The following TMCC3 variants were observed in gnomAD, a reference collection of about 807,000 sequenced individuals.
TMCC3 encodes transmembrane and coiled-coil domain protein 3.
A neutral mutation model predicts 40.2 loss-of-function variants in TMCC3; 28 were observed. The observed-to-expected ratio is 0.70, with a 90% CI of 0.52 to 0.95. The LOEUF is 0.95. TMCC3 is among the 40% of genes least tolerant of loss of function. The pLI, the probability that TMCC3 is intolerant of heterozygous loss-of-function variation, is 0.00. For synonymous variants in TMCC3, 255 were observed against 248.5 expected (o/e 1.03, Z -0.25); for missense variants, 554 against 615.2 (o/e 0.90, Z 1.05).
chr12:94,601,808 CAAAAAAAAAAAAAAAAA>C (rs61372290), intron 1 of TMCC3, among the ~76,000 whole-genome samples: 5 of 76,732 alleles, frequency 6.5e-5, no homozygotes, highest in Admixed American at 3.2e-4. Flanking sequence ...GACCTGGTCT[CAAAAAAAAAAAAAAAAA>C]AAAAAAAAAA....
intron 1 of TMCC3, among the ~76,000 whole-genome samples, chr12:94,625,280 G>A (rs190982548): frequency 8.6e-5 from 13 of 151,602 alleles, no homozygotes; most frequent in Admixed American, 1.3e-4. Context: ...CAGGTCAAAC[G>A]ATAACACTGA....
intron 1 of TMCC3, among the ~76,000 whole-genome samples, chr12:94,589,891 G>A (rs1344859746): frequency 6.6e-6 from 1 of 152,154 alleles, no homozygotes; most frequent in East Asian, 1.9e-4. Context: ...GCAAGACTTA[G>A]CAAGATCTGT....
At chr12:94,634,583 C>T (rs995930221) in intron 1 of TMCC3, among the ~76,000 whole-genome samples, 1 of 152,114 alleles carries the variant, frequency 6.6e-6, no homozygotes, top group African/African-American at 2.4e-5. Context: ...TTTAAACAGC[C>T]AGAGTGCGAG....
chr12:94,600,239 G>GT (rs2068744515), intron 1 of TMCC3, among the ~76,000 whole-genome samples: 1 of 133,664 alleles, frequency 7.5e-6, no homozygotes, highest in Non-Finnish European at 1.6e-5. Flanking sequence ...ACCAAATTCT[G>GT]GTTTTTTTTT....
intron 1 of TMCC3, among the ~76,000 whole-genome samples, chr12:94,587,866 C>G (rs1432423936): frequency 6.6e-6 from 1 of 152,186 alleles, no homozygotes; most frequent in Non-Finnish European, 1.5e-5. Flanking sequence ...AAAGACTTTG[C>G]TTTTAAGAAT....
intron 1 of TMCC3, among the ~76,000 whole-genome samples, chr12:94,647,855 T>C (rs925894050): frequency 6.6e-6 from 1 of 152,250 alleles, no homozygotes. Flanking sequence ...CAGGACAGAC[T>C]TGAAATTACA....
chr12:94,628,436 T>C (rs964564959), intron 1 of TMCC3, among the ~76,000 whole-genome samples: 1 of 152,176 alleles, frequency 6.6e-6, no homozygotes, highest in Non-Finnish European at 1.5e-5. Context: ...ATACTCCCCA[T>C]CTATGAAACC....
At chr12:94,590,911 G>C (rs757537570) in intron 1 of TMCC3, 4 of 584,666 alleles carry the variant, frequency 6.8e-6, no homozygotes, top group Non-Finnish European at 1.4e-5. Context: ...GTGAGTTTAT[G>C]TGAAAATGAG....
At chr12:94,590,149 T>G (rs1420985211) in intron 1 of TMCC3, among the ~76,000 whole-genome samples, 1 of 149,684 alleles carries the variant, frequency 6.7e-6, no homozygotes, top group African/African-American at 2.5e-5. Flanking sequence ...TCGCCCAGGC[T>G]GGAGTGCAGT....
chr12:94,578,645 T>A, intron 2 of TMCC3, 116 bp from the exon 3 acceptor site: 1 of 1,168,342 alleles, frequency 8.6e-7, no homozygotes, highest in Non-Finnish European at 1.2e-6. Context: ...CCTGATGGGC[T>A]GTTTTTCTAA....
chr12:94,622,174 AGTAC>A (rs2068879173), intron 1 of TMCC3, among the ~76,000 whole-genome samples: 1 of 152,158 alleles, frequency 6.6e-6, no homozygotes, highest in Non-Finnish European at 1.5e-5. Flanking sequence ...GGGAGAGAGG[AGTAC>A]TCCACACCCA....
chr12:94,639,983 A>G (rs950695314), intron 1 of TMCC3, among the ~76,000 whole-genome samples: 2 of 152,176 alleles, frequency 1.3e-5, no homozygotes, highest in African/African-American at 4.8e-5. Flanking sequence ...ACGAAAGGAG[A>G]TGATACATTA....
Position 94,581,669 on chromosome 12 carries a change from C to A in TMCC3, c.948G>T (p.Lys316Asn). The A allele has an allele frequency of 6.2e-7, 1 of 1,613,494 alleles. No individual in the cohort carries two copies. Among genetic ancestry groups the A allele is most frequent in the Non-Finnish European group, 8.5e-7 (1 of 1,179,478 alleles). Residue 316 changes from lysine to asparagine, a missense_variant, in exon 2 of 4, where the codon AAG becomes AAT. Lys to Asn is a moderately conservative substitution (Grantham distance 94). Coordinates refer to ENST00000261226, the MANE Select transcript of TMCC3 (RefSeq NM_020698.4). ...EDIEALKVQF[K>N]REYGFISQTL... ...TCTGAGAAATAAAACCATATTCTCT[C>A]TTAAACTGCACCTTCAGTGCCTCGA...
chr12:94,641,478 G>A (rs1459081276), intron 1 of TMCC3, among the ~76,000 whole-genome samples: 8 of 152,114 alleles, frequency 5.3e-5, no homozygotes, highest in Non-Finnish European at 8.8e-5. Context: ...GAAGTCACAC[G>A]GGCTTTTTCT....
At position 94,582,046 on chromosome 12, in the gene TMCC3, C is replaced by A. The variant is rs764404181; in HGVS notation, c.571G>T (p.Val191Phe). 7 of 1,613,958 alleles carry A rather than the reference C, an allele frequency of 4.3e-6. No homozygotes were observed. The Admixed American group carries it at 6.7e-5, about 15-fold the overall frequency. ...ACGAACACAGGTGGAGTAAGTGAGA[C>A]CCCTGGCATGCCCGATTTGCTGCTC... ...MESSKSGMPG[V>F]SLTPPVFVFN... Residue 191 changes from valine to phenylalanine, a missense_variant, in exon 2 of 4, where the codon GTC (valine) becomes TTC (phenylalanine). Physicochemically the swap from Val to Phe is conservative, Grantham distance 50. Transcript: ENST00000261226.
At chr12:94,642,621 T>C (rs756023919) in intron 1 of TMCC3, among the ~76,000 whole-genome samples, 2 of 152,254 alleles carry the variant, frequency 1.3e-5, no homozygotes, top group Non-Finnish European at 2.9e-5. Flanking sequence ...CTTGAAAAGA[T>C]CTGGTCTCTG....
intron 1 of TMCC3, among the ~76,000 whole-genome samples, chr12:94,582,874 T>C (rs960484717): frequency 6.6e-6 from 1 of 151,606 alleles, no homozygotes; most frequent in African/African-American, 2.4e-5. Flanking sequence ...CCCAGGTAAC[T>C]GGAATGCCTG....
intron 1 of TMCC3, among the ~76,000 whole-genome samples, chr12:94,630,708 T>C (rs1202144321): frequency 1.7e-4 from 26 of 149,192 alleles, no homozygotes; most frequent in Admixed American, 1.7e-3. Flanking sequence ...GTATATCTTG[T>C]AAACGTTTTG....
intron 1 of TMCC3, among the ~76,000 whole-genome samples, chr12:94,627,311 A>G (rs1424219421): frequency 2.0e-5 from 3 of 152,152 alleles, no homozygotes; most frequent in African/African-American, 7.2e-5. Flanking sequence ...CTGTCAGCAC[A>G]CTAGGGGAGG....
Sources: gnomAD v4.1 joint callset for allele counts (sites outside exome capture counted in the v4.1 genomes callset) on GRCh38, gnomAD v4.1.1 for gene constraint, MANE v1.5 for transcripts, NCBI Gene and HGNC (gene_info 2026-07-23, HGNC 2026-07-21) for gene names.